DCSTAMP: variants seen among roughly 807,000 people sequenced by gnomAD.
DCSTAMP encodes dendritic cell-specific transmembrane protein.
DCSTAMP carries 25 observed loss-of-function variants against 33.8 expected under a neutral mutation model. That is an observed-to-expected ratio of 0.74 (90% CI 0.54 to 1.03). The LOEUF (loss-of-function observed/expected upper bound fraction) is 1.03. Ranked by LOEUF, DCSTAMP falls within the 50% of genes least tolerant of loss-of-function variation. The pLI is 0.00. For missense variants in DCSTAMP, 531 were observed against 556.8 expected, an observed-to-expected ratio of 0.95 and a Z score of 0.47; for synonymous variants, 245 against 216.7, an observed-to-expected ratio of 1.13 and a Z score of -1.15.
At chr8:104,342,912 G>A (rs192595239) in intron 1 of DCSTAMP, among the ~76,000 whole-genome samples, 1 of 152,326 alleles carries the variant, frequency 6.6e-6, no homozygotes, top group East Asian at 1.9e-4. Context: ...ATTCACGACT[G>A]CACGATGCTG....
chr8:104,356,605 G>C lies in DCSTAMP; in HGVS notation c.*407G>C, dbSNP rs376227841. 6.5e-6 allele frequency: 1 copy of C among 152,726 alleles called. No homozygotes were observed. Among genetic ancestry groups the C allele is most frequent in the Non-Finnish European group, 1.5e-5 (1 of 68,468 alleles). The allele number at this position is 152,726 out of a possible 1,614,324, so 9.5% of individuals were successfully genotyped here. ...CAGCAAACTATCTTCAAACTCTTCC[G>C]TCCTTAATGTCTTCCATGGCTATTG... is the stretch of plus-strand genomic sequence containing the variant. On this transcript the variant is annotated 3_prime_UTR_variant, in exon 4 of 4. Coordinates refer to ENST00000297581, the MANE Select transcript of DCSTAMP (RefSeq NM_030788.4).
chr8:104,350,135 G>A (rs1051062804), intron 2 of DCSTAMP, among the ~76,000 whole-genome samples: 1 of 152,152 alleles, frequency 6.6e-6, no homozygotes, highest in African/African-American at 2.4e-5. Flanking sequence ...AATAACATTT[G>A]CAAAGATCCT....
chr8:104,345,202 T>G (rs1449109667), intron 1 of DCSTAMP, among the ~76,000 whole-genome samples: 1 of 152,054 alleles, frequency 6.6e-6, no homozygotes, highest in Non-Finnish European at 1.5e-5. Flanking sequence ...AAGGAATGAG[T>G]TGCATTTACT....
At chr8:104,353,805 C>T (rs1410582549) in intron 2 of DCSTAMP, among the ~76,000 whole-genome samples, 1 of 152,240 alleles carries the variant, frequency 6.6e-6, no homozygotes, top group Non-Finnish European at 1.5e-5. Context: ...AGCCCCAGGG[C>T]TCTGTGGCAC....
rs772887991 is a variant in DCSTAMP, at chr8:104,349,588, C to T, written c.1029+7C>T. ...CTTGAAACTGCACGGAGAGGTAGGG[C>T]CCACAGGTACTTCTCATGGTTTATC... On this transcript the variant is annotated splice_region_variant and intron_variant, in intron 2 of 3. Coordinates refer to ENST00000297581, the MANE Select transcript of DCSTAMP (RefSeq NM_030788.4). 1.9e-6 allele frequency: 3 copies of T among 1,600,260 alleles called. No individual in the cohort carries two copies. In the Admixed American group the frequency reaches 5.2e-5, roughly 28 times the overall value.
intron 2 of DCSTAMP, among the ~76,000 whole-genome samples, chr8:104,354,200 C>T (rs75361840): frequency 0.01 from 1,534 of 152,258 alleles, 9 homozygotes; most frequent in Middle Eastern, 0.017. Flanking sequence ...ATTTCAGAGT[C>T]TCCTTCAATA....
At chr8:104,350,887 G>A (rs763828703) in intron 2 of DCSTAMP, among the ~76,000 whole-genome samples, 11 of 152,180 alleles carry the variant, frequency 7.2e-5, no homozygotes, top group East Asian at 1.9e-4. Flanking sequence ...GGACTGCGGC[G>A]AGAGATTTTT....
rs77194116 is a variant in DCSTAMP, at chr8:104,355,142, C to A, written c.1295C>A (p.Pro432Gln). The A allele has an allele frequency of 6.2e-7, 1 of 1,613,758 alleles. No homozygotes were observed. Among genetic ancestry groups the A allele is most frequent in the African/African-American group, 1.3e-5 (1 of 74,836 alleles). Residue 432 changes from proline (P) to glutamine (Q), a missense_variant, in exon 3 of 4, where the codon CCG becomes CAG. Transcript: ENST00000297581. ...AKLLKKRSKQPLGEVKRRLSL... is the reference protein window; with the variant it reads ...AKLLKKRSKQQLGEVKRRLSL... ...CTGCTTAAAAAAAGATCAAAGCAGCCGCTGGGAGAAGTCAAAAGACGGCTG... is the reference window on the plus strand; with the variant it reads ...CTGCTTAAAAAAAGATCAAAGCAGCAGCTGGGAGAAGTCAAAAGACGGCTG...
At chr8:104,343,288 C>T (rs2099383271) in intron 1 of DCSTAMP, among the ~76,000 whole-genome samples, 1 of 152,166 alleles carries the variant, frequency 6.6e-6, no homozygotes. Context: ...GATGTAGCTA[C>T]AATAGTACAG....
intron 1 of DCSTAMP, among the ~76,000 whole-genome samples, chr8:104,346,080 T>G (rs1376656976): frequency 6.6e-6 from 1 of 152,178 alleles, no homozygotes; most frequent in African/African-American, 2.4e-5. Context: ...CTGTGCCGTC[T>G]CCACTGTGTG....
At chr8:104,341,885 C>A in intron 1 of DCSTAMP, among the ~76,000 whole-genome samples, 1 of 152,128 alleles carries the variant, frequency 6.6e-6, no homozygotes, top group East Asian at 1.9e-4. Context: ...GGCCATTACT[C>A]TAGGGATAGT....
In DCSTAMP at chr8:104,349,215, G is replaced by C. The variant is rs148704252; in HGVS notation, c.663G>C (p.Ser221=). 9 of 1,614,158 alleles carry C rather than the reference G, an allele frequency of 5.6e-6. No individual in the cohort carries two copies. The highest frequency in any genetic ancestry group is 1.3e-5 in the African/African-American group (1 of 75,044). Reference sequence around the variant, plus strand: ...AGCTACTTGCCTTTGCAGGGCTTTCGCTCGTCCTGCTTGGCACTGGCCTCT... The same window carrying C: ...AGCTACTTGCCTTTGCAGGGCTTTCCCTCGTCCTGCTTGGCACTGGCCTCT... ...GQKLLAFAGL[S]LVLLGTGLFM... is the part of the protein sequence containing the mutation. The change falls in exon 2 of 4, where the codon TCG becomes TCC. Residue 221 remains serine, a synonymous_variant. Coordinates refer to ENST00000297581, the MANE Select transcript of DCSTAMP (RefSeq NM_030788.4).
chr8:104,351,515 G>A (rs1810462786), intron 2 of DCSTAMP, among the ~76,000 whole-genome samples: 3 of 152,212 alleles, frequency 2.0e-5, no homozygotes, highest in African/African-American at 7.2e-5. Context: ...CTGCTCCATA[G>A]GCAGAGAAAG....
chr8:104,355,548 C>A (rs1341531643), intron 3 of DCSTAMP, among the ~76,000 whole-genome samples: 1 of 152,042 alleles, frequency 6.6e-6, no homozygotes, highest in African/African-American at 2.4e-5. Flanking sequence ...TCTACTATAG[C>A]TTTGTAAATG....
intron 2 of DCSTAMP, among the ~76,000 whole-genome samples, chr8:104,353,636 G>A (rs891262364): frequency 4.6e-5 from 7 of 152,188 alleles, no homozygotes; most frequent in Non-Finnish European, 8.8e-5. Context: ...TCGTTGCTTC[G>A]GCACAGTGCT....
intron 1 of DCSTAMP, among the ~76,000 whole-genome samples, chr8:104,344,303 A>C (rs2099383508): frequency 6.6e-6 from 1 of 152,032 alleles, no homozygotes. Flanking sequence ...ATTAAAATTA[A>C]AATTAAATAT....
Position 104,356,413 on chromosome 8 carries a change from C to T in DCSTAMP, c.*215C>T, listed in dbSNP as rs1224935804. Reference sequence around the variant, plus strand: ...ATGGTTATGTGGTCTATGTTCCAAACAAACCACATGATCTTGCCTGTGTCA... The same window carrying T: ...ATGGTTATGTGGTCTATGTTCCAAATAAACCACATGATCTTGCCTGTGTCA... On this transcript the variant is annotated 3_prime_UTR_variant, in exon 4 of 4. Coordinates refer to ENST00000297581, the MANE Select transcript of DCSTAMP (RefSeq NM_030788.4). 5.2e-6 allele frequency: 2 copies of T among 382,206 alleles called. No individual in the cohort carries two copies. The highest frequency in any genetic ancestry group is 4.2e-5 in the African/African-American group (2 of 47,452). The allele number at this position is 382,206 out of a possible 1,614,324, so 23.7% of individuals were successfully genotyped here.
At position 104,348,622 on chromosome 8, in the gene DCSTAMP, C is replaced by G; in HGVS notation, c.70C>G (p.Pro24Ala). The G allele has an allele frequency of 6.2e-7, 1 of 1,614,102 alleles. No homozygotes were observed. The highest frequency in any genetic ancestry group is 8.5e-7 in the Non-Finnish European group (1 of 1,180,020). Residue 24 changes from proline to alanine, a missense_variant, in exon 2 of 4, where the codon CCC (proline) becomes GCC (alanine). Pro to Ala is a conservative substitution (Grantham distance 27). Transcript: ENST00000297581. ...GGAGATTTACGTGTCTCCAAGAAGCCCCGGATGGATGGACTTTATCCAGCA... is the reference window on the plus strand; with the variant it reads ...GGAGATTTACGTGTCTCCAAGAAGCGCCGGATGGATGGACTTTATCCAGCA... ...LWEIYVSPRSPGWMDFIQHLG... is the reference protein window; with the variant it reads ...LWEIYVSPRSAGWMDFIQHLG...
At chr8:104,351,305 C>T (rs1810454878) in intron 2 of DCSTAMP, among the ~76,000 whole-genome samples, 1 of 152,180 alleles carries the variant, frequency 6.6e-6, no homozygotes, top group Admixed American at 6.5e-5. Context: ...TGTGTGTATG[C>T]ACATGTATGG....
Sources: allele counts gnomAD v4.1 joint callset (sites outside exome capture counted in the v4.1 genomes callset), GRCh38; gene constraint gnomAD v4.1.1; transcripts MANE v1.5; gene names NCBI Gene and HGNC (gene_info 2026-07-23, HGNC 2026-07-21).